The following STK32B variants were observed in gnomAD, a reference collection of about 807,000 sequenced individuals.
STK32B encodes serine/threonine-protein kinase 32B.
A neutral mutation model predicts 52.6 loss-of-function variants in STK32B; 43 were observed. The observed-to-expected ratio is 0.82, with a 90% CI of 0.64 to 1.05. STK32B has a LOEUF of 1.05. Ranked by LOEUF, STK32B falls within the 50% of genes least tolerant of loss-of-function variation. The probability of loss-of-function intolerance (pLI) is 0.00; values close to 1 mark genes in which losing one functional copy is unlikely to be tolerated. For synonymous variants in STK32B, 238 were observed against 204.3 expected (o/e 1.17, Z -1.41); for missense variants, 621 against 534.6 (o/e 1.16, Z -1.59).
At chr4:5,390,193 T>G (rs917702895) in intron 4 of STK32B, among the ~76,000 whole-genome samples, 1 of 152,200 alleles carries the variant, frequency 6.6e-6, no homozygotes, top group African/African-American at 2.4e-5. Context: ...ATATGGGTAG[T>G]TGTGAGGATT....
At chr4:5,359,319 T>G (rs1172039141) in intron 4 of STK32B, among the ~76,000 whole-genome samples, 2 of 151,878 alleles carry the variant, frequency 1.3e-5, no homozygotes, top group Non-Finnish European at 2.9e-5. Flanking sequence ...ATCCACTCAC[T>G]CATCTACCCA....
chr4:5,376,704 G>A (rs1209226773), intron 4 of STK32B, among the ~76,000 whole-genome samples: 1 of 152,084 alleles, frequency 6.6e-6, no homozygotes, highest in Non-Finnish European at 1.5e-5. Flanking sequence ...CCCATTTCAG[G>A]TCGTTGGTCA....
intron 3 of STK32B, among the ~76,000 whole-genome samples, chr4:5,216,997 A>G (rs556618687): frequency 6.6e-6 from 1 of 152,294 alleles, no homozygotes; most frequent in East Asian, 1.9e-4. Context: ...GTGTTGAACA[A>G]GGCAGCATTT....
At chr4:5,232,220 G>A (rs553006641) in intron 3 of STK32B, among the ~76,000 whole-genome samples, 1 of 152,078 alleles carries the variant, frequency 6.6e-6, no homozygotes, top group African/African-American at 2.4e-5. Flanking sequence ...GGAAATCGAT[G>A]ATAGTCTATT....
At chr4:5,181,368 A>AC (rs55675121) in intron 3 of STK32B, among the ~76,000 whole-genome samples, 44 of 95,546 alleles carry the variant, frequency 4.6e-4, no homozygotes, top group African/African-American at 1.2e-3. Context: ...ACACACACAC[A>AC]GAGATCTCAT....
At chr4:5,052,953 T>C (rs6814598) in intron 1 of STK32B, among the ~76,000 whole-genome samples, 97,617 of 152,064 alleles carry the variant, frequency 0.64, 31,692 homozygotes, top group East Asian at 0.85. Flanking sequence ...CTGTCCTGGT[T>C]ACTGCTGGTA....
At position 5,416,923 on chromosome 4, in the gene STK32B, AGCCC is replaced by A. The variant is rs770872433; in HGVS notation, c.552_555del (p.Lys184AsnfsTer75). The A allele has an allele frequency of 6.2e-7, 1 of 1,613,076 alleles. No individual in the cohort carries two copies. Among genetic ancestry groups the A allele is most frequent in the Non-Finnish European group, 8.5e-7 (1 of 1,179,556 alleles). On this transcript the variant is annotated frameshift_variant, in exon 6 of 12. Transcript: ENST00000282908. LOFTEE classifies it high-confidence loss of function. The stretch of plus-strand genomic sequence containing the variant: ...AGGGCTTCCTCCATGGCTGGCACCA[AGCCC>A]TACATGGGTGAGTGTTCCAGGCCCC...
chr4:5,311,316 G>A (rs1450632389), intron 3 of STK32B, among the ~76,000 whole-genome samples: 1 of 152,090 alleles, frequency 6.6e-6, no homozygotes, highest in Admixed American at 6.6e-5. Context: ...TTGCATACAT[G>A]TATCAAAATA....
At chr4:5,480,688 C>T (rs866676287) in intron 11 of STK32B, among the ~76,000 whole-genome samples, 6 of 151,954 alleles carry the variant, frequency 3.9e-5, no homozygotes, top group Non-Finnish European at 8.8e-5. Flanking sequence ...CCCATTAACT[C>T]GTCATTTAAC....
At chr4:5,223,942 TGGG>T (rs1723701284) in intron 3 of STK32B, among the ~76,000 whole-genome samples, 1 of 152,198 alleles carries the variant, frequency 6.6e-6, no homozygotes, top group Non-Finnish European at 1.5e-5. Flanking sequence ...CCTTTTGGAA[TGGG>T]AATGTCTAGC....
At chr4:5,020,087 GT>G in the STK32B span, among the ~76,000 whole-genome samples, 2 of 152,182 alleles carry the variant, frequency 1.3e-5, no homozygotes, top group African/African-American at 4.8e-5. Flanking sequence ...GGCCGTATGT[GT>G]GGGGAGTGTG....
At chr4:5,348,786 A>C (rs549874636) in intron 4 of STK32B, among the ~76,000 whole-genome samples, 1 of 152,310 alleles carries the variant, frequency 6.6e-6, no homozygotes, top group East Asian at 1.9e-4. Flanking sequence ...GCCTGAGGAC[A>C]GTTTTGCCTT....
At chr4:5,277,669 C>G in intron 3 of STK32B, among the ~76,000 whole-genome samples, 1 of 152,204 alleles carries the variant, frequency 6.6e-6, no homozygotes, top group Non-Finnish European at 1.5e-5. Context: ...TGCACTTCAT[C>G]ATTTATAGCT....
chr4:5,490,205 C>T lies in STK32B; in HGVS notation c.1107-8740C>T, dbSNP rs1719600669. ...CACTGAAACCTCTACCTCCCGGGTT[C>T]AAGCAATTCTCCTGCCTCAGCCTCC... On this transcript the variant is annotated intron_variant, in intron 11 of 11. Coordinates refer to ENST00000282908, the MANE Select transcript of STK32B (RefSeq NM_018401.3). 2.6e-5 allele frequency among the ~76,000 whole-genome samples: 4 copies of T among 151,840 alleles called. No homozygotes were observed. The South Asian group carries it at 8.3e-4, about 32-fold the overall frequency.
At chr4:5,105,174 T>C (rs1363360171) in intron 1 of STK32B, among the ~76,000 whole-genome samples, 6 of 152,146 alleles carry the variant, frequency 3.9e-5, no homozygotes, top group Non-Finnish European at 8.8e-5. Flanking sequence ...TTTTCTATCA[T>C]TAATGATGTT....
At chr4:5,232,237 CATT>C (rs1724321984) in intron 3 of STK32B, among the ~76,000 whole-genome samples, 1 of 152,100 alleles carries the variant, frequency 6.6e-6, no homozygotes, top group South Asian at 2.1e-4. Flanking sequence ...TATTAGATAA[CATT>C]ATTGAAATAT....
chr4:5,451,649 C>T (rs1418308743), intron 7 of STK32B, among the ~76,000 whole-genome samples: 1 of 152,138 alleles, frequency 6.6e-6, no homozygotes, highest in Non-Finnish European at 1.5e-5. Context: ...CATTTGAGGC[C>T]AGATGATTTT....
At chr4:5,174,818 C>T (rs368171372) in intron 3 of STK32B, among the ~76,000 whole-genome samples, 1 of 152,100 alleles carries the variant, frequency 6.6e-6, no homozygotes, top group East Asian at 1.9e-4. Flanking sequence ...TTTTGGCATT[C>T]TCTGTGTTTC....
At chr4:5,159,741 A>ATG (rs1312761757) in intron 2 of STK32B, among the ~76,000 whole-genome samples, 4 of 130,840 alleles carry the variant, frequency 3.1e-5, no homozygotes, top group Non-Finnish European at 6.2e-5. Context: ...ATATATATGA[A>ATG]TATATGAATG....
Sources: gnomAD v4.1 joint callset for allele counts (sites outside exome capture counted in the v4.1 genomes callset) on GRCh38, gnomAD v4.1.1 for gene constraint, MANE v1.5 for transcripts, NCBI Gene and HGNC (gene_info 2026-07-23, HGNC 2026-07-21) for gene names.